AMMECR1: variants seen among roughly 807,000 people sequenced by gnomAD.
The protein encoded by AMMECR1 is nuclear protein AMMECR1.
In AMMECR1, 3 loss-of-function variants were observed where a neutral mutation model predicts 22.5. The observed-to-expected ratio is 0.13, with a 90% CI of 0.06 to 0.35. The LOEUF (loss-of-function observed/expected upper bound fraction) is 0.35, where lower values mean the gene tolerates loss of function less well. AMMECR1 is among the 10% of genes least tolerant of loss of function. AMMECR1 has a pLI of 1.00. For synonymous variants in AMMECR1, 130 were observed against 116.7 expected (o/e 1.11, Z -0.74); for missense variants, 235 against 278.7 (o/e 0.84, Z 1.12).
intron 2 of AMMECR1, among the ~76,000 whole-genome samples, chrX:110,378,163 C>A (rs1297650406): frequency 2.7e-5 from 3 of 111,625 alleles, no homozygotes; most frequent in Non-Finnish European, 5.6e-5. Context: ...CTACAAGGCT[C>A]AGCTTTGGGG....
At chrX:110,425,566 A>G (rs1384617471) in intron 2 of AMMECR1, among the ~76,000 whole-genome samples, 1 of 113,277 alleles carries the variant, frequency 8.8e-6, no homozygotes, top group Non-Finnish European at 1.9e-5. Context: ...TACTTGAGAA[A>G]GGCCTAGCCT....
At chrX:110,367,841 C>T (rs775584841) in intron 2 of AMMECR1, among the ~76,000 whole-genome samples, 1 of 109,961 alleles carries the variant, frequency 9.1e-6, no homozygotes, top group South Asian at 3.9e-4. Flanking sequence ...CAGCATCTCA[C>T]ACTGTCACCC....
intron 1 of AMMECR1, among the ~76,000 whole-genome samples, chrX:110,433,686 G>C (rs1240140048): frequency 9.0e-6 from 1 of 111,651 alleles, no homozygotes; most frequent in Non-Finnish European, 1.9e-5. Flanking sequence ...ATCATGAAAA[G>C]AGCTTAGGAC....
At chrX:110,430,537 A>G (rs1035212761) in intron 1 of AMMECR1, among the ~76,000 whole-genome samples, 2 of 112,020 alleles carry the variant, frequency 1.8e-5, no homozygotes, top group Admixed American at 9.4e-5. Flanking sequence ...AGACACATCT[A>G]CTTACCACCT....
intron 2 of AMMECR1, among the ~76,000 whole-genome samples, chrX:110,327,538 C>T (rs923306348): frequency 9.0e-6 from 1 of 110,632 alleles, no homozygotes. Context: ...AGTGGCAGGG[C>T]CAGAAGTCAG....
At chrX:110,335,366 A>G (rs1447385713) in intron 2 of AMMECR1, among the ~76,000 whole-genome samples, 1 of 111,590 alleles carries the variant, frequency 9.0e-6, no homozygotes, top group Admixed American at 9.5e-5. Flanking sequence ...AAAAAATGCC[A>G]TGTAGTTATG....
intron 3 of AMMECR1, among the ~76,000 whole-genome samples, chrX:110,208,841 C>G (rs1198319823): frequency 2.7e-5 from 3 of 111,421 alleles, no homozygotes; most frequent in African/African-American, 6.5e-5. Flanking sequence ...AAAAAACCCC[C>G]AATTCTCTGT....
intron 2 of AMMECR1, among the ~76,000 whole-genome samples, chrX:110,220,953 C>T (rs974199074): frequency 2.7e-5 from 3 of 112,409 alleles, no homozygotes; most frequent in African/African-American, 6.4e-5. Flanking sequence ...CAAGGCTCAT[C>T]GTAAACGATA....
chrX:110,262,375 T>C (rs183209208), intron 2 of AMMECR1, among the ~76,000 whole-genome samples: 6 of 111,956 alleles, frequency 5.4e-5, no homozygotes, highest in Admixed American at 4.7e-4. Context: ...ATGTGATATA[T>C]ACAATTTGAG....
intron 1 of AMMECR1, among the ~76,000 whole-genome samples, chrX:110,317,257 G>A (rs2068053180): frequency 9.0e-6 from 1 of 111,370 alleles, no homozygotes; most frequent in South Asian, 3.8e-4. Flanking sequence ...AACACCTTGA[G>A]TAACCCAGAT....
In AMMECR1 at chrX:110,198,136, A is replaced by AGGGAAGGAAGAAGGAAAAC. The variant is rs1332398707; in HGVS notation, c.*365_*383dup. 9.0e-4 allele frequency: 104 copies of AGGGAAGGAAGAAGGAAAAC among 115,900 alleles called. No individual in the cohort carries two copies. The highest frequency in any genetic ancestry group is 3.2e-3 in the African/African-American group (98 of 30,689). 9.6% of individuals were successfully genotyped at this position (115,900 alleles called of 1,213,427 possible). A position where few individuals can be genotyped will look rare whatever the true frequency, so the allele number is the denominator to read the frequency against. On this transcript the variant is annotated 3_prime_UTR_variant, in exon 6 of 6. Transcript: ENST00000262844. ...CATCCACAGTCAAAGGAAGGGAGGC[A>AGGGAAGGAAGAAGGAAAAC]GGGAAGGAAGAAGGAAAACGGGAAG...
At chrX:110,327,771 T>C (rs147345515) in intron 2 of AMMECR1, among the ~76,000 whole-genome samples, 393 of 112,100 alleles carry the variant, frequency 3.5e-3, no homozygotes, top group Non-Finnish European at 5.3e-3. Flanking sequence ...ATTTCTTTGA[T>C]AGTCATCACT....
At chrX:110,377,806 G>A (rs1022142378) in intron 2 of AMMECR1, among the ~76,000 whole-genome samples, 14 of 108,570 alleles carry the variant, frequency 1.3e-4, no homozygotes, top group Non-Finnish European at 1.9e-5. Context: ...TCAGGAGATC[G>A]AGACCATCCT....
At chrX:110,264,654 T>TA in intron 1 of AMMECR1, 55 bp from the exon 2 acceptor site, 3 of 950,019 alleles carry the variant, frequency 3.2e-6, no homozygotes, top group Non-Finnish European at 4.5e-6. Context: ...AAGCAAGTAT[T>TA]TATTGAGTAT....
In AMMECR1 at chrX:110,329,020, C is replaced by A. The variant is rs143509438; in HGVS notation, c.-147-11171G>T. Reference sequence around the variant, plus strand: ...GCTCAGTCAAATGGTATTCCTTGTTCTAGATCCTTGAGGAATCGCCACACT... The same window carrying A: ...GCTCAGTCAAATGGTATTCCTTGTTATAGATCCTTGAGGAATCGCCACACT... On this transcript the variant is annotated intron_variant, in intron 2 of 7. Coordinates refer to the AMMECR1 transcript ENST00000372057. 1.1e-3 allele frequency among the ~76,000 whole-genome samples: 125 copies of A among 112,460 alleles called. 1 individual carries two copies. The East Asian group carries it at 0.031, about 28-fold the overall frequency.
chrX:110,208,973 G>A (rs1001608678), intron 3 of AMMECR1, among the ~76,000 whole-genome samples: 2 of 111,154 alleles, frequency 1.8e-5, no homozygotes, highest in African/African-American at 6.5e-5. Context: ...TTAGAAAAAT[G>A]CATTCCTTCC....
intron 2 of AMMECR1, among the ~76,000 whole-genome samples, chrX:110,236,828 A>T (rs1318946027): frequency 1.8e-5 from 2 of 112,248 alleles, no homozygotes; most frequent in African/African-American, 6.5e-5. Flanking sequence ...GTTTTTATTT[A>T]TTTAATGCTG....
intron 2 of AMMECR1, among the ~76,000 whole-genome samples, chrX:110,372,824 C>G (rs974883945): frequency 1.8e-5 from 2 of 111,425 alleles, no homozygotes; most frequent in East Asian, 5.6e-4. Flanking sequence ...CATTTCACCA[C>G]TCACAGGAAA....
At chrX:110,272,927 A>G (rs1436224165) in intron 1 of AMMECR1, among the ~76,000 whole-genome samples, 1 of 111,987 alleles carries the variant, frequency 8.9e-6, no homozygotes, top group Non-Finnish European at 1.9e-5. Flanking sequence ...GGACACTTAC[A>G]TTGGTTCCAT....
Sources: allele counts gnomAD v4.1 joint callset (sites outside exome capture counted in the v4.1 genomes callset), GRCh38; gene constraint gnomAD v4.1.1; transcripts MANE v1.5; gene names NCBI Gene and HGNC (gene_info 2026-07-23, HGNC 2026-07-21).